The following TBC1D1 variants were observed in gnomAD, a reference collection of about 807,000 sequenced individuals.
TBC1D1 encodes TBC1 domain family member 1.
A neutral mutation model predicts 125.6 loss-of-function variants in TBC1D1; 89 were observed. The observed-to-expected ratio is 0.71, with a 90% CI of 0.60 to 0.85. The LOEUF (loss-of-function observed/expected upper bound fraction) is 0.85, where lower values mean the gene tolerates loss of function less well. Among genes scored for constraint, TBC1D1 ranks in the 40% least tolerant of loss-of-function variants. TBC1D1 has a pLI of 0.00. For missense variants in TBC1D1, 1,377 were observed against 1,469.2 expected, an observed-to-expected ratio of 0.94 and a Z score of 1.03; for synonymous variants, 565 against 564.1, an observed-to-expected ratio of 1.00 and a Z score of -0.02.
chr4:38,118,363 T>C, intron 17 of TBC1D1, 171 bp downstream of exon 19: 1 of 687,898 alleles, frequency 1.5e-6, no homozygotes, highest in East Asian at 2.8e-5. Context: ...TTTGGAGTCC[T>C]CCTTAACTTC....
chr4:37,981,496 T>G (rs1349197478), intron 2 of TBC1D1, among the ~76,000 whole-genome samples: 3 of 152,118 alleles, frequency 2.0e-5, no homozygotes, highest in Non-Finnish European at 2.9e-5. Context: ...ATGGGAGAGA[T>G]AGCAAAGCAG....
At chr4:38,008,701 T>A (rs1740860374) in intron 2 of TBC1D1, among the ~76,000 whole-genome samples, 1 of 152,238 alleles carries the variant, frequency 6.6e-6, no homozygotes, top group South Asian at 2.1e-4. Context: ...CACATTAATC[T>A]GACCTGTTGT....
Position 37,913,751 on chromosome 4 carries a change from T to C in TBC1D1, c.417+11239T>C, listed in dbSNP as rs537588759. Among the ~76,000 whole-genome samples, 649 of 146,380 alleles carry C rather than the reference T, an allele frequency of 4.4e-3. 3 individuals carry two copies. Among genetic ancestry groups the C allele is most frequent in the African/African-American group, 0.015 (623 of 40,632 alleles). Reference sequence around the variant, plus strand: ...TACTGGCCCAATTTTTTTTTTTTTTTCCTTCAAGAGTTATAGTGGCTACCT... The same window carrying C: ...TACTGGCCCAATTTTTTTTTTTTTTCCCTTCAAGAGTTATAGTGGCTACCT... On this transcript the variant is annotated intron_variant, in intron 2 of 19. Transcript: ENST00000261439.
intron 1 of TBC1D1, among the ~76,000 whole-genome samples, chr4:37,893,339 C>T (rs1468161132): frequency 1.3e-5 from 2 of 152,210 alleles, no homozygotes; most frequent in African/African-American, 2.4e-5. Flanking sequence ...AAATGTATCA[C>T]GGCCCATTTG....
chr4:38,063,139 G>C (rs1230959029), intron 12 of TBC1D1, among the ~76,000 whole-genome samples: 2 of 152,196 alleles, frequency 1.3e-5, no homozygotes, highest in African/African-American at 4.8e-5. Flanking sequence ...TTTAAAGCAA[G>C]TGAATGACGA....
At chr4:38,037,527 C>T (rs1402537093) in intron 8 of TBC1D1, among the ~76,000 whole-genome samples, 5 of 152,134 alleles carry the variant, frequency 3.3e-5, no homozygotes, top group South Asian at 4.1e-4. Flanking sequence ...CCATTAGGCA[C>T]AGCCTTGAGA....
intron 11 of TBC1D1, among the ~76,000 whole-genome samples, chr4:38,052,703 TACACACACACGCGCGC>T (rs1449309303): frequency 2.3e-5 from 3 of 128,214 alleles, no homozygotes; most frequent in Admixed American, 7.9e-5. Flanking sequence ...CATGCGTATA[TACACACACACGCGCGC>T]GCGCGCGCGC....
chr4:37,926,785 G>A (rs1317874094), intron 2 of TBC1D1, among the ~76,000 whole-genome samples: 1 of 152,326 alleles, frequency 6.6e-6, no homozygotes, highest in East Asian at 1.9e-4. Flanking sequence ...GTCTCAGCTG[G>A]ATTTATTGGT....
chr4:37,956,943 GAAAAA>G (rs33943418), intron 2 of TBC1D1, among the ~76,000 whole-genome samples: 3 of 140,178 alleles, frequency 2.1e-5, no homozygotes, highest in African/African-American at 7.8e-5. Context: ...CGTCTCAAAA[GAAAAA>G]AAAAAAAAAG....
chr4:37,946,828 G>A (rs1199209903), intron 2 of TBC1D1, among the ~76,000 whole-genome samples: 2 of 152,150 alleles, frequency 1.3e-5, no homozygotes, highest in African/African-American at 4.8e-5. Context: ...CCAAATTTCA[G>A]GACTGCCTCA....
intron 18 of TBC1D1, among the ~76,000 whole-genome samples, chr4:38,127,950 G>C (rs1361141627): frequency 6.6e-6 from 1 of 152,154 alleles, no homozygotes; most frequent in East Asian, 1.9e-4. Context: ...CTCTGCGACA[G>C]CTACTCACCT....
rs1383143127 is a variant in TBC1D1 at position 38,112,106 on chromosome 4, TAAC to T, written c.2558-3601_2558-3599del. ...TGGAAGCCTTGACCAGTTTGGGTAA[TAAC>T]AAGAGATTTGAAAGTGTGGGGTGTA... On this transcript the variant is annotated intron_variant, in intron 15 of 19. Coordinates refer to ENST00000261439, the MANE Select transcript of TBC1D1 (RefSeq NM_015173.4). 31 of 984,264 alleles carry T rather than the reference TAAC, an allele frequency of 3.1e-5. No homozygotes were observed. In the African/African-American group the frequency reaches 5.1e-4, roughly 16 times the overall value. The allele number at this position is 984,264 out of a possible 1,614,324, so 61.0% of individuals were successfully genotyped here.
At position 38,020,609 on chromosome 4, in the gene TBC1D1, C is replaced by A; in HGVS notation, c.991C>A (p.His331Asn). ...TTGGCAGGGCATCAGACACGTGGAC[C>A]ACTTTGGGTTTATCTGTCGGGAGTC... Residue 331 changes from histidine (H) to asparagine (N), a missense_variant, in exon 5 of 20, where the codon CAC becomes AAC. Coordinates refer to ENST00000261439, the MANE Select transcript of TBC1D1 (RefSeq NM_015173.4). The A allele has an allele frequency of 6.2e-7, 1 of 1,613,004 alleles. No homozygotes were observed. Among genetic ancestry groups the A allele is most frequent in the South Asian group, 1.1e-5 (1 of 91,064 alleles).
chr4:37,944,489 C>T (rs1016180733), intron 2 of TBC1D1, among the ~76,000 whole-genome samples: 4 of 152,196 alleles, frequency 2.6e-5, no homozygotes, highest in African/African-American at 9.7e-5. Context: ...CCACCCAGTT[C>T]GAGCTTCCCG....
At chr4:37,983,451 G>T (rs1268002208) in intron 2 of TBC1D1, among the ~76,000 whole-genome samples, 1 of 152,138 alleles carries the variant, frequency 6.6e-6, no homozygotes, top group Non-Finnish European at 1.5e-5. Flanking sequence ...ATTTCATTCT[G>T]TATGATGCTT....
At chr4:37,921,631 T>G (rs1435280475) in intron 2 of TBC1D1, among the ~76,000 whole-genome samples, 1 of 151,832 alleles carries the variant, frequency 6.6e-6, no homozygotes. Context: ...CAGAATGGTC[T>G]CGATCTCTTG....
intron 2 of TBC1D1, among the ~76,000 whole-genome samples, chr4:38,001,222 A>AG (rs1739013342): frequency 7.8e-6 from 1 of 128,952 alleles, no homozygotes; most frequent in African/African-American, 3.4e-5. Context: ...TCCGTCTCAA[A>AG]AAAAGAAAGA....
At chr4:38,094,820 G>T (rs1231398184) in intron 13 of TBC1D1, among the ~76,000 whole-genome samples, 1 of 148,604 alleles carries the variant, frequency 6.7e-6, no homozygotes, top group Non-Finnish European at 1.5e-5. Context: ...AACCTGATTT[G>T]CTGCAAGGAT....
At chr4:37,933,065 A>C (rs1219094752) in intron 2 of TBC1D1, among the ~76,000 whole-genome samples, 2 of 151,078 alleles carry the variant, frequency 1.3e-5, no homozygotes, top group African/African-American at 2.4e-5. Context: ...ACAAAAAAAC[A>C]AAAAAACAAA....
Sources: gnomAD v4.1 joint callset for allele counts (sites outside exome capture counted in the v4.1 genomes callset) on GRCh38, gnomAD v4.1.1 for gene constraint, MANE v1.5 for transcripts, NCBI Gene and HGNC (gene_info 2026-07-23, HGNC 2026-07-21) for gene names.